The following FAM107A variants were observed in gnomAD, a reference collection of about 807,000 sequenced individuals.
The protein encoded by FAM107A is actin-associated protein FAM107A.
A neutral mutation model predicts 13.7 loss-of-function variants in FAM107A; 19 were observed. That is an observed-to-expected ratio of 1.38 (90% CI 0.97 to 2.03). The LOEUF (loss-of-function observed/expected upper bound fraction) is 2.03. Ranked by LOEUF, FAM107A falls within the 30% of genes most tolerant of loss-of-function variation. The pLI, the probability that FAM107A is intolerant of heterozygous loss-of-function variation, is 0.00. For missense variants in FAM107A, 203 were observed against 184.4 expected, an observed-to-expected ratio of 1.10 and a Z score of -0.58; for synonymous variants, 82 against 74.5, an observed-to-expected ratio of 1.10 and a Z score of -0.52.
At chr3:58,620,296 C>G (rs1458018504) in intron 1 of FAM107A, among the ~76,000 whole-genome samples, 1 of 152,136 alleles carries the variant, frequency 6.6e-6, no homozygotes, top group Non-Finnish European at 1.5e-5. Flanking sequence ...CCCTGAGGAA[C>G]TTGACCCCCT....
At chr3:58,615,133 T>A (rs147627649) in intron 1 of FAM107A, among the ~76,000 whole-genome samples, 163 of 152,368 alleles carry the variant, frequency 1.1e-3, no homozygotes, top group African/African-American at 3.6e-3. Context: ...TGTTCAACAA[T>A]ATTTTCTAGA....
At chr3:58,602,575 T>G (rs1262978844) in intron 1 of FAM107A, among the ~76,000 whole-genome samples, 1 of 152,216 alleles carries the variant, frequency 6.6e-6, no homozygotes, top group Non-Finnish European at 1.5e-5. Context: ...GATAGGGGAT[T>G]GATTAAATTG....
chr3:58,622,023 C>G (rs1348457324), intron 1 of FAM107A, among the ~76,000 whole-genome samples: 1 of 152,218 alleles, frequency 6.6e-6, no homozygotes, highest in Non-Finnish European at 1.5e-5. Context: ...GGGAATTGCA[C>G]TGAGGCCCAG....
intron 1 of FAM107A, among the ~76,000 whole-genome samples, chr3:58,603,658 A>T (rs866943073): frequency 1.3e-5 from 2 of 152,268 alleles, no homozygotes; most frequent in South Asian, 4.2e-4. Context: ...TCTGTTGGTC[A>T]TTGGCTATAG....
chr3:58,593,668 A>G (rs1021255872), intron 1 of FAM107A, among the ~76,000 whole-genome samples: 3 of 151,516 alleles, frequency 2.0e-5, no homozygotes, highest in African/African-American at 7.3e-5. Flanking sequence ...CTAACATACT[A>G]TCAATCTCAC....
intron 1 of FAM107A, chr3:58,570,373 A>T (rs979086298): frequency 1.0e-5 from 10 of 984,988 alleles, no homozygotes; most frequent in Non-Finnish European, 1.1e-5. Flanking sequence ...TCAGCTTTTC[A>T]TTTTCTTCAC....
At chr3:58,573,131 C>A (rs1292708711) in intron 1 of FAM107A, among the ~76,000 whole-genome samples, 3 of 152,084 alleles carry the variant, frequency 2.0e-5, no homozygotes, top group African/African-American at 7.2e-5. Flanking sequence ...AGGCAGGAAC[C>A]CTGAGGGATG....
chr3:58,609,867 C>T (rs1455326948), intron 1 of FAM107A, among the ~76,000 whole-genome samples: 2 of 152,222 alleles, frequency 1.3e-5, no homozygotes, highest in Non-Finnish European at 2.9e-5. Flanking sequence ...CCCCTGTCTC[C>T]TCCCTAGAGG....
exon 1 of FAM107A, chr3:58,586,991 AGGAGCGTAGTCCGGAGCC>A: frequency 6.7e-7 from 1 of 1,481,624 alleles, no homozygotes; most frequent in Non-Finnish European, 8.9e-7. Flanking sequence ...AGCGCACAGC[AGGAGCGTAGTCCGGAGCC>A]GAAGCGCCTC....
chr3:58,599,717 T>A lies in FAM107A; in HGVS notation c.-69-10448A>T, dbSNP rs953779153. Among the ~76,000 whole-genome samples the A allele has an allele frequency of 7.5e-5, 9 of 120,132 alleles. 1 individual carries two copies. Among genetic ancestry groups the A allele is most frequent in the South Asian group, 5.1e-4 (2 of 3,900 alleles). The allele number at this position is 120,132 out of a possible 152,430, so 78.8% of individuals were successfully genotyped here. ...CACCATTTTTTTTTTTTTTTTTTTT[T>A]TTTTTTTTTTTTTTTTTTGAGACGG... On this transcript the variant is annotated intron_variant, in intron 1 of 3. Transcript: ENST00000465970.
At chr3:58,592,869 T>C (rs1184348131) in intron 1 of FAM107A, among the ~76,000 whole-genome samples, 1 of 152,146 alleles carries the variant, frequency 6.6e-6, no homozygotes, top group East Asian at 1.9e-4. Context: ...CCCAATCTCA[T>C]CCCAGACACC....
In FAM107A at chr3:58,584,884, C is replaced by A. The variant is rs1370792829; in HGVS notation, c.79+1974G>T. Among the ~76,000 whole-genome samples the A allele has an allele frequency of 2.6e-5, 4 of 152,236 alleles. No individual in the cohort carries two copies. The South Asian group carries it at 8.3e-4, about 32-fold the overall frequency. ...GCTCTTGAGGCCCCATGCTCGGCCC[C>A]CCTCCCGCCCTGTGGAGTGTACTTT... On this transcript the variant is annotated intron_variant, in intron 1 of 3. Coordinates refer to the FAM107A transcript ENST00000447756.
At chr3:58,619,557 G>A (rs2065934188) in intron 1 of FAM107A, among the ~76,000 whole-genome samples, 1 of 152,160 alleles carries the variant, frequency 6.6e-6, no homozygotes, top group Non-Finnish European at 1.5e-5. Context: ...CCCGCCTCCT[G>A]ACCTGATTAA....
intron 1 of FAM107A, among the ~76,000 whole-genome samples, chr3:58,583,616 C>CT (rs1024718588): frequency 2.6e-5 from 2 of 76,076 alleles, no homozygotes; most frequent in African/African-American, 8.2e-5. Context: ...GAGCAAAACT[C>CT]TGTCAAAAAA....
chr3:58,566,749 T>C (rs555873791), intron 3 of FAM107A, 54 bp from the exon 4 acceptor site: 2 of 1,422,582 alleles, frequency 1.4e-6, no homozygotes, highest in African/African-American at 2.8e-5. Context: ...GGATTCCTAC[T>C]CTGAAAACCT....
upstream of FAM107A, among the ~76,000 whole-genome samples, chr3:58,587,347 C>T (rs2065618829): frequency 6.6e-6 from 1 of 152,220 alleles, no homozygotes; most frequent in South Asian, 2.1e-4. Flanking sequence ...GGTCCCACCA[C>T]CACCATTAAA....
At chr3:58,614,661 T>C (rs2065885310) in intron 1 of FAM107A, among the ~76,000 whole-genome samples, 2 of 148,718 alleles carry the variant, frequency 1.3e-5, no homozygotes, top group South Asian at 4.3e-4. Flanking sequence ...CCTGCCACCA[T>C]GCCTGGCTAA....
At chr3:58,585,430 C>T (rs895393923) in intron 1 of FAM107A, among the ~76,000 whole-genome samples, 4 of 152,266 alleles carry the variant, frequency 2.6e-5, no homozygotes, top group East Asian at 3.8e-4. Flanking sequence ...GGCCAGTTCT[C>T]GCTTTGGGAC....
chr3:58,569,347 C>T lies in FAM107A; in HGVS notation c.170+344G>A, dbSNP rs1259621929. Among the ~76,000 whole-genome samples, 1 of 152,196 alleles carries T rather than the reference C, an allele frequency of 6.6e-6. No individual in the cohort carries two copies. The highest frequency in any genetic ancestry group is 1.5e-5 in the Non-Finnish European group (1 of 68,026). On this transcript the variant is annotated intron_variant, in intron 2 of 3. Coordinates refer to ENST00000360997, the MANE Select transcript of FAM107A (RefSeq NM_001076778.3). This position sits in a 1 kb window ranked among gnomAD's most constrained non-coding sequence, Gnocchi z 5.7. ...CCTACTGCCTGGCTATGCACCCGTC[C>T]CTGTCTGTGAGGACAGGAACTGGGT...
Sources: allele counts gnomAD v4.1 joint callset (sites outside exome capture counted in the v4.1 genomes callset), GRCh38; gene constraint gnomAD v4.1.1; non-coding constraint Gnocchi (gnomAD v3.1); transcripts MANE v1.5; gene names NCBI Gene and HGNC (gene_info 2026-07-23, HGNC 2026-07-21).